Variants in TESPA1 observed in about 807,000 individuals in gnomAD.
TESPA1 encodes thymocyte expressed, positive selection associated 1.
A neutral mutation model predicts 57.9 loss-of-function variants in TESPA1; 33 were observed. The ratio of observed to expected loss-of-function variants is 0.57; its 90% confidence interval spans 0.43 to 0.76. TESPA1 has a LOEUF of 0.76. Ranked by LOEUF, TESPA1 falls within the 30% of genes least tolerant of loss-of-function variation. TESPA1 has a pLI of 0.00. For synonymous variants in TESPA1, 227 were observed against 228.9 expected, an observed-to-expected ratio of 0.99 and a Z score of 0.07; for missense variants, 618 against 632.9, an observed-to-expected ratio of 0.98 and a Z score of 0.25.
intron 7 of TESPA1, among the ~76,000 whole-genome samples, chr12:54,965,094 A>G (rs1347086553): frequency 6.6e-6 from 1 of 152,070 alleles, no homozygotes; most frequent in Non-Finnish European, 1.5e-5. Context: ...CATCTTTTTC[A>G]AAGAGTTATT....
intron 4 of TESPA1, among the ~76,000 whole-genome samples, chr12:54,967,522 A>G (rs757215210): frequency 6.6e-6 from 1 of 152,026 alleles, no homozygotes; most frequent in Non-Finnish European, 1.5e-5. Context: ...AACAGCAAAC[A>G]TATGGGGATG....
chr12:54,954,691 T>C (rs1301175342), intron 10 of TESPA1, among the ~76,000 whole-genome samples: 1 of 152,204 alleles, frequency 6.6e-6, no homozygotes, highest in Admixed American at 6.5e-5. Flanking sequence ...TTTTCAGAAA[T>C]ATTGTCTCAT....
intron 10 of TESPA1, among the ~76,000 whole-genome samples, chr12:54,953,522 C>CTTTTTTTTTTTTT (rs1178610425): frequency 3.6e-4 from 49 of 135,326 alleles, no homozygotes; most frequent in East Asian, 2.9e-3. Flanking sequence ...TTTTTATTTA[C>CTTTTTTTTTTTTT]TTTTTTTTTT....
At chr12:54,969,778 G>A (rs1951708654) in intron 3 of TESPA1, among the ~76,000 whole-genome samples, 1 of 152,156 alleles carries the variant, frequency 6.6e-6, no homozygotes, top group South Asian at 2.1e-4. Context: ...TATCTATGAT[G>A]TTACAAGTCA....
At chr12:54,964,873 A>AT (rs1951326623) in intron 7 of TESPA1, among the ~76,000 whole-genome samples, 1 of 152,194 alleles carries the variant, frequency 6.6e-6, no homozygotes, top group Non-Finnish European at 1.5e-5. Flanking sequence ...TCACCTTTGC[A>AT]GGCTTTAAAA....
At chr12:54,978,972 C>A (rs1952222095) in intron 1 of TESPA1, among the ~76,000 whole-genome samples, 1 of 152,196 alleles carries the variant, frequency 6.6e-6, no homozygotes, top group African/African-American at 2.4e-5. Context: ...AAGTGCTGTA[C>A]CTGCAGAGGA....
At chr12:54,980,716 C>A (rs1043322180) in intron 1 of TESPA1, among the ~76,000 whole-genome samples, 2 of 152,202 alleles carry the variant, frequency 1.3e-5, no homozygotes, top group East Asian at 1.9e-4. Flanking sequence ...TTGCACCTGA[C>A]AAATATCAGC....
intron 10 of TESPA1, among the ~76,000 whole-genome samples, chr12:54,955,876 C>T (rs1186370291): frequency 6.6e-6 from 1 of 152,090 alleles, no homozygotes; most frequent in African/African-American, 2.4e-5. Flanking sequence ...TCTTGATGTC[C>T]TCCCACTATC....
At chr12:54,982,842 C>CT (rs1952370693) in intron 1 of TESPA1, among the ~76,000 whole-genome samples, 1 of 151,932 alleles carries the variant, frequency 6.6e-6, no homozygotes, top group Non-Finnish European at 1.5e-5. Context: ...TCCTGCTTTT[C>CT]TTTTTCAATA....
intron 7 of TESPA1, 102 bp downstream of exon 7, chr12:54,965,951 C>G: frequency 9.0e-7 from 1 of 1,107,460 alleles, no homozygotes; most frequent in Non-Finnish European, 1.3e-6. Context: ...CATAAAAGCT[C>G]CAGTAAGATA....
intron 8 of TESPA1, 27 bp downstream of exon 8, chr12:54,963,715 G>A (rs747241569): frequency 2.5e-6 from 4 of 1,597,142 alleles, no homozygotes; most frequent in East Asian, 2.3e-5. Flanking sequence ...AAGGGAAGTA[G>A]AGCAGGTGCC....
intron 3 of TESPA1, among the ~76,000 whole-genome samples, chr12:54,972,405 T>C (rs1379528241): frequency 6.6e-6 from 1 of 152,186 alleles, no homozygotes; most frequent in Non-Finnish European, 1.5e-5. Context: ...TCAAGAGTAG[T>C]TAATGAGATA....
intron 5 of TESPA1, 61 bp downstream of exon 5, chr12:54,967,122 T>G: frequency 1.3e-6 from 2 of 1,590,858 alleles, no homozygotes; most frequent in Non-Finnish European, 1.7e-6. Context: ...CATCCTATCC[T>G]GAATTCATAC....
chr12:54,950,961 T>C (rs953949478), intron 10 of TESPA1, among the ~76,000 whole-genome samples: 31 of 152,122 alleles, frequency 2.0e-4, no homozygotes, highest in African/African-American at 6.3e-4. Flanking sequence ...TTTTTTTCCC[T>C]TTAATCTCAG....
intron 1 of TESPA1, among the ~76,000 whole-genome samples, chr12:54,980,059 C>T (rs1952257472): frequency 1.3e-5 from 2 of 152,076 alleles, no homozygotes; most frequent in African/African-American, 4.8e-5. Context: ...TCAAGTTGGT[C>T]TGACTCCATG....
intron 10 of TESPA1, among the ~76,000 whole-genome samples, chr12:54,954,970 C>G (rs1475503030): frequency 6.6e-6 from 1 of 152,202 alleles, no homozygotes; most frequent in Non-Finnish European, 1.5e-5. Context: ...ATTGCTACAT[C>G]ATATGGTAGT....
intron 7 of TESPA1, among the ~76,000 whole-genome samples, chr12:54,964,847 T>C (rs1444706651): frequency 6.6e-6 from 1 of 152,202 alleles, no homozygotes; most frequent in East Asian, 1.9e-4. Context: ...TTCTCAACCA[T>C]GGCTACATGT....
Position 54,948,901 on chromosome 12 carries a change from T to C in TESPA1, c.*1491A>G, listed in dbSNP as rs1004740754. ...TGACCTCCCTTAAGAATATTTGCTT[T>C]AGAAAATTTGCTGTAGTTCTTTCTA... On this transcript the variant is annotated 3_prime_UTR_variant, in exon 11 of 11. Transcript: ENST00000449076. 1 of 152,228 alleles carries C rather than the reference T, an allele frequency of 6.6e-6. No homozygotes were observed. Among genetic ancestry groups the C allele is most frequent in the South Asian group, 2.1e-4 (1 of 4,834 alleles). 9.4% of individuals were successfully genotyped at this position (152,228 alleles called of 1,614,324 possible).
Position 54,963,259 on chromosome 12 carries a change from A to C in TESPA1, c.656-17T>G, listed in dbSNP as rs1413245085. ...TAAACCTGCCTGGGTACAAGAGTTA[A>C]AGATGGTAAGTCTGGGGTTCATCAG... On this transcript the variant is annotated splice_polypyrimidine_tract_variant and intron_variant, in intron 8 of 10. Coordinates refer to ENST00000449076, the MANE Select transcript of TESPA1 (RefSeq NM_001136030.3). 1 of 1,593,798 alleles carries C rather than the reference A, an allele frequency of 6.3e-7. No homozygotes were observed. The highest frequency in any genetic ancestry group is 1.3e-5 in the African/African-American group (1 of 74,644).
Sources: gnomAD v4.1 joint callset for allele counts (sites outside exome capture counted in the v4.1 genomes callset) on GRCh38, gnomAD v4.1.1 for gene constraint, MANE v1.5 for transcripts, NCBI Gene and HGNC (gene_info 2026-07-23, HGNC 2026-07-21) for gene names.